The following CFAP46 variants were observed in gnomAD, a reference collection of about 807,000 sequenced individuals.
CFAP46 encodes the protein cilia- and flagella-associated protein 46.
CFAP46 carries 245 observed loss-of-function variants against 325.7 expected under a neutral mutation model. The ratio of observed to expected loss-of-function variants is 0.75; its 90% CI spans 0.68 to 0.84. The LOEUF is 0.84. CFAP46 is among the 40% of genes least tolerant of loss of function. The pLI is 0.00. For synonymous variants in CFAP46, 1,523 were observed against 1,495.9 expected, an observed-to-expected ratio of 1.02 and a Z score of -0.42; for missense variants, 3,346 against 3,543.0, an observed-to-expected ratio of 0.94 and a Z score of 1.41.
In CFAP46 at chr10:132,857,662, G is replaced by A. The variant is rs1369797224; in HGVS notation, c.5502C>T (p.Gly1834=). The A allele has an allele frequency of 1.2e-6, 2 of 1,613,042 alleles. No homozygotes were observed. The highest frequency in any genetic ancestry group is 3.3e-5 in the Admixed American group (2 of 59,958). ...GRLHSIQGLY[G]LAQGAMAEEE... ...CCTCAGCCATGGCGCCCTGGGCCAG[G>A]CCATATAAGCCCTGGATGCTGTGAA... The change falls in exon 39 of 58, where the codon GGC becomes GGT. Residue 1834 remains glycine, a synonymous_variant. Coordinates refer to ENST00000368586, the MANE Select transcript of CFAP46 (RefSeq NM_001200049.3).
intron 40 of CFAP46, among the ~76,000 whole-genome samples, chr10:132,850,651 T>A (rs577986389): frequency 6.6e-6 from 1 of 152,288 alleles, no homozygotes; most frequent in South Asian, 2.1e-4. Context: ...GACAAATCAG[T>A]TTTAGGCCCG....
At chr10:132,858,950 C>A in intron 38 of CFAP46, 121 bp downstream of exon 38, 22 of 1,001,724 alleles carry the variant, frequency 2.2e-5, no homozygotes, top group Non-Finnish European at 3.2e-5. Context: ...AGGGGAGGGT[C>A]CTGTGGACCC....
At chr10:132,914,858 G>C (rs571818683) in intron 17 of CFAP46, among the ~76,000 whole-genome samples, 1 of 152,336 alleles carries the variant, frequency 6.6e-6, no homozygotes, top group African/African-American at 2.4e-5. Flanking sequence ...GCTCCCTTGA[G>C]CCTCCTGGCT....
intron 25 of CFAP46, among the ~76,000 whole-genome samples, chr10:132,891,664 A>G (rs1410504004): frequency 6.6e-6 from 1 of 152,210 alleles, no homozygotes; most frequent in African/African-American, 2.4e-5. Flanking sequence ...ATTAACCAAG[A>G]GTCTGGTGCC....
chr10:132,921,831 G>A (rs988389022), intron 13 of CFAP46, among the ~76,000 whole-genome samples: 2 of 152,248 alleles, frequency 1.3e-5, no homozygotes, highest in African/African-American at 4.8e-5. Context: ...GCCTGGGGCT[G>A]GGAGGAGTAA....
At chr10:132,840,942 C>T (rs1156915379) in intron 44 of CFAP46, among the ~76,000 whole-genome samples, 2 of 152,130 alleles carry the variant, frequency 1.3e-5, no homozygotes, top group East Asian at 3.9e-4. Flanking sequence ...CATTCCGTGG[C>T]GAGGGGGCTG....
chr10:132,908,905 T>C (rs938013148), intron 21 of CFAP46, among the ~76,000 whole-genome samples: 7 of 152,104 alleles, frequency 4.6e-5, no homozygotes, highest in African/African-American at 1.2e-4. Flanking sequence ...TGGGTGGGAA[T>C]GGAGGGTCCG....
At chr10:132,929,087 C>T (rs1220957143) in intron 9 of CFAP46, 1 of 179,984 alleles carries the variant, frequency 5.6e-6, no homozygotes, top group Non-Finnish European at 1.2e-5. Context: ...TCAAGACCCC[C>T]CAACCCAGTG....
In CFAP46 at chr10:132,918,539, G is replaced by T; in HGVS notation, c.1859-19C>A. On this transcript the variant is annotated intron_variant, in intron 15 of 57. Coordinates refer to ENST00000368586, the MANE Select transcript of CFAP46 (RefSeq NM_001200049.3). ...TTCTTCCCTGAGAGAAATGGCAGCA[G>T]GTAAGGATCATGTTTTTTTCTAGCA... 1 of 1,504,998 alleles carries T rather than the reference G, an allele frequency of 6.6e-7. No individual in the cohort carries two copies. Among genetic ancestry groups the T allele is most frequent in the Admixed American group, 2.2e-5 (1 of 45,024 alleles). 93.2% of individuals were successfully genotyped at this position (1,504,998 alleles called of 1,614,324 possible).
In CFAP46 at chr10:132,854,304, C is replaced by T. The variant is rs184848824; in HGVS notation, c.5575-2999G>A. Among the ~76,000 whole-genome samples, 135 of 150,006 alleles carry T rather than the reference C, an allele frequency of 9.0e-4. 1 individual carries two copies. Among genetic ancestry groups the T allele is most frequent in the African/African-American group, 3.2e-3 (129 of 40,900 alleles). On this transcript the variant is annotated intron_variant, in intron 39 of 57. Transcript: ENST00000368586. ...TTTATTTTTCAAATCTTTGGCATTT[C>T]GTGCATACATAGCTTTCTGTGTTTT... is the stretch of plus-strand genomic sequence containing the variant.
intron 22 of CFAP46, among the ~76,000 whole-genome samples, chr10:132,900,517 G>T (rs963921305): frequency 5.9e-5 from 9 of 152,256 alleles, no homozygotes; most frequent in Non-Finnish European, 8.8e-5. Flanking sequence ...ATGGGCCAGG[G>T]TCCCAGAGCC....
chr10:132,869,491 G>A lies in CFAP46; in HGVS notation c.4512-119C>T. 1 of 614,010 alleles carries A rather than the reference G, an allele frequency of 1.6e-6. No homozygotes were observed. Among genetic ancestry groups the A allele is most frequent in the Non-Finnish European group, 2.6e-6 (1 of 391,844 alleles). The allele number at this position is 614,010 out of a possible 1,614,324, so 38.0% of individuals were successfully genotyped here. ...TAACACATCGAGGCACACTTGGATG[G>A]TATTTTCAATCATTTTTAAAGGTAA... On this transcript the variant is annotated intron_variant, in intron 32 of 57. Transcript: ENST00000368586. This position sits in a 1 kb window ranked among gnomAD's most constrained non-coding sequence, Gnocchi z 6.2.
chr10:132,940,884 AC>A, intron 4 of CFAP46, 111 bp downstream of exon 4: 1 of 1,050,894 alleles, frequency 9.5e-7, no homozygotes, highest in Non-Finnish European at 1.4e-6. Flanking sequence ...AAAATCACAG[AC>A]CACAAACGAG....
At chr10:132,861,123 G>T in intron 35 of CFAP46, 141 bp from the exon 36 acceptor site, 3 of 848,878 alleles carry the variant, frequency 3.5e-6, no homozygotes, top group Non-Finnish European at 1.8e-6. Context: ...AGACAGGGCT[G>T]CTCACTCTGG....
Position 132,851,182 on chromosome 10 carries a change from C to G in CFAP46, c.5698G>C (p.Gly1900Arg). Residue 1900 changes from glycine (G) to arginine (R), a missense_variant, in exon 40 of 58, where the codon GGG becomes CGG. Physicochemically the swap from Gly to Arg is moderately radical, Grantham distance 125. Transcript: ENST00000368586. ...EEAHGQQSEQ[G>R]SLEKLLADYL... ...TCCGCCAGCAGCTTCTCCAGGGACC[C>G]CTGCTCACTCTGCTGCCCGTGGGCC... The G allele has an allele frequency of 6.2e-7, 1 of 1,614,116 alleles. No homozygotes were observed. Among genetic ancestry groups the G allele is most frequent in the Non-Finnish European group, 8.5e-7 (1 of 1,180,040 alleles).
chr10:132,923,046 C>T (rs944124062), intron 11 of CFAP46, among the ~76,000 whole-genome samples: 8 of 152,202 alleles, frequency 5.3e-5, no homozygotes, highest in African/African-American at 9.6e-5. Context: ...CAGGCCACGG[C>T]GGCAGGGGTC....
chr10:132,811,611 C>T (rs931044002), intron 55 of CFAP46, among the ~76,000 whole-genome samples: 4 of 152,236 alleles, frequency 2.6e-5, no homozygotes, highest in African/African-American at 9.6e-5. Context: ...CCCACTTCCA[C>T]TCGCAGCCTG....
chr10:132,910,169 C>T lies in CFAP46; in HGVS notation c.2500-101G>A, dbSNP rs147656260. On this transcript the variant is annotated intron_variant, in intron 19 of 57. Coordinates refer to ENST00000368586, the MANE Select transcript of CFAP46 (RefSeq NM_001200049.3). Reference sequence around the variant, plus strand: ...AAGATGGATGGAGCCCGCTCCTGATCCAGCCCGTGAAGGGCCTTAAACACG... The same window carrying T: ...AAGATGGATGGAGCCCGCTCCTGATTCAGCCCGTGAAGGGCCTTAAACACG... The T allele has an allele frequency of 6.0e-3, 7,157 of 1,201,742 alleles. 29 individuals carry two copies. Among genetic ancestry groups the T allele is most frequent in the Non-Finnish European group, 6.8e-3 (6,344 of 932,048 alleles). 74.4% of individuals were successfully genotyped at this position (1,201,742 alleles called of 1,614,324 possible). A position where few individuals can be genotyped will look rare whatever the true frequency, so the allele number is the denominator to read the frequency against.
intron 35 of CFAP46, among the ~76,000 whole-genome samples, chr10:132,864,608 T>C (rs76201972): frequency 0.023 from 199 of 8,640 alleles, 2 homozygotes; most frequent in African/African-American, 0.056. Flanking sequence ...ACACCTGCCC[T>C]CAGTGCCCGA....
Sources: gnomAD v4.1 joint callset for allele counts (sites outside exome capture counted in the v4.1 genomes callset) on GRCh38, gnomAD v4.1.1 for gene constraint, Gnocchi (gnomAD v3.1) non-coding constraint, MANE v1.5 for transcripts, NCBI Gene and HGNC (gene_info 2026-07-23, HGNC 2026-07-21) for gene names.